Variants in GTF2A1L observed in about 807,000 individuals in gnomAD.
GTF2A1L encodes TFIIA-alpha and beta-like factor.
In GTF2A1L, 48 loss-of-function variants were observed where a neutral mutation model predicts 49.7. That is an observed-to-expected ratio of 0.97 (90% CI 0.77 to 1.23). GTF2A1L has a LOEUF of 1.23. Ranked by LOEUF, GTF2A1L falls within the 50% of genes most tolerant of loss-of-function variation. The probability of loss-of-function intolerance (pLI) is 0.00; values close to 1 mark genes in which losing one functional copy is unlikely to be tolerated. For synonymous variants in GTF2A1L, 246 were observed against 193.5 expected (o/e 1.27, Z -2.25); for missense variants, 736 against 564.8 (o/e 1.30, Z -3.07).
Position 48,653,954 on chromosome 2 carries a change from C to T in GTF2A1L, c.978+6912C>T, listed in dbSNP as rs985480272. On this transcript the variant is annotated intron_variant, in intron 6 of 8. Coordinates refer to ENST00000403751, the MANE Select transcript of GTF2A1L (RefSeq NM_006872.5). ...AAAAAAAAAAAAAAAGAAACAGCCC[C>T]GAAAACATTTATATGTAGATTTTAT... 8.7e-5 allele frequency among the ~76,000 whole-genome samples: 13 copies of T among 148,920 alleles called. 1 individual carries two copies. Among genetic ancestry groups the T allele is most frequent in the Non-Finnish European group, 1.8e-4 (12 of 67,494 alleles).
intron 6 of GTF2A1L, among the ~76,000 whole-genome samples, chr2:48,649,744 C>G (rs141005403): frequency 0.025 from 3,754 of 152,212 alleles, 58 homozygotes; most frequent in South Asian, 0.048. Flanking sequence ...AACACATCAC[C>G]GACTGCCCTT....
intron 8 of GTF2A1L, among the ~76,000 whole-genome samples, chr2:48,677,311 G>C (rs531684817): frequency 1.3e-5 from 2 of 152,036 alleles, no homozygotes; most frequent in East Asian, 3.9e-4. Flanking sequence ...GGGAGGAATA[G>C]ATTGCAATTT....
At chr2:48,619,576 G>C (rs540474428) in intron 1 of GTF2A1L, among the ~76,000 whole-genome samples, 1 of 152,234 alleles carries the variant, frequency 6.6e-6, no homozygotes, top group East Asian at 1.9e-4. Flanking sequence ...GTACTGAATA[G>C]GGTAGGATGA....
intron 3 of GTF2A1L, 151 bp downstream of exon 3, chr2:48,621,441 T>G: frequency 2.0e-6 from 2 of 1,014,224 alleles, no homozygotes; most frequent in Non-Finnish European, 2.7e-6. Flanking sequence ...TATAAATCAT[T>G]GCCCCATGTA....
intron 3 of GTF2A1L, 83 bp from the exon 4 acceptor site, chr2:48,642,318 AT>A: frequency 7.6e-7 from 1 of 1,307,498 alleles, no homozygotes; most frequent in Non-Finnish European, 1.0e-6. Context: ...GATAGAAAAT[AT>A]TTTTTAAAAA....
intron 1 of GTF2A1L, 28 bp from the exon 2 acceptor site, chr2:48,620,823 T>C: frequency 1.0e-6 from 1 of 952,850 alleles, no homozygotes; most frequent in Non-Finnish European, 1.4e-6. Flanking sequence ...ATAAATAAAA[T>C]GAAACTTTAA....
At chr2:48,645,281 A>T (rs1677431621) in intron 5 of GTF2A1L, among the ~76,000 whole-genome samples, 164 bp downstream of exon 5, 1 of 152,214 alleles carries the variant, frequency 6.6e-6, no homozygotes, top group African/African-American at 2.4e-5. Context: ...TGTTATAGAG[A>T]CAATCTACCA....
intron 6 of GTF2A1L, among the ~76,000 whole-genome samples, chr2:48,658,677 T>C (rs1678313743): frequency 6.6e-6 from 1 of 152,106 alleles, no homozygotes; most frequent in Admixed American, 6.6e-5. Context: ...CATAATTAGG[T>C]ATTGGTCTGT....
chr2:48,636,637 G>A (rs978680366), intron 3 of GTF2A1L, among the ~76,000 whole-genome samples: 4 of 152,138 alleles, frequency 2.6e-5, no homozygotes, highest in African/African-American at 9.7e-5. Flanking sequence ...AAATAGTTTT[G>A]ACCTTATAAA....
At chr2:48,667,042 C>T (rs920991869) in intron 6 of GTF2A1L, among the ~76,000 whole-genome samples, 8 of 151,944 alleles carry the variant, frequency 5.3e-5, no homozygotes. Flanking sequence ...CAGCTCACTG[C>T]AGCCTCAACC....
At position 48,617,884 on chromosome 2, in the gene GTF2A1L, C is replaced by T. The variant is rs1357041873; in HGVS notation, c.10C>T (p.Leu4Phe). The T allele has an allele frequency of 3.9e-6, 6 of 1,551,752 alleles. No individual in the cohort carries two copies. Among genetic ancestry groups the T allele is most frequent in the Non-Finnish European group, 4.4e-6 (5 of 1,147,062 alleles). The change falls in exon 1 of 9, where the codon CTC becomes TTC. Residue 4 changes from leucine to phenylalanine, a missense_variant. Coordinates refer to ENST00000403751, the MANE Select transcript of GTF2A1L (RefSeq NM_006872.5). ...TGCTGGAGGTGCTGTCATGGCCTGC[C>T]TCAACCCGGTGGTAAGGAAGACCTC... is the stretch of plus-strand genomic sequence containing the variant. MAC[L>F]NPVPKLYRSV...
intron 6 of GTF2A1L, among the ~76,000 whole-genome samples, chr2:48,665,493 C>T (rs1678791265): frequency 6.6e-6 from 1 of 151,988 alleles, no homozygotes; most frequent in African/African-American, 2.4e-5. Context: ...GCTTTGGGTA[C>T]ATCTCAAAAG....
chr2:48,665,383 C>T (rs1298104032), intron 6 of GTF2A1L, among the ~76,000 whole-genome samples: 1 of 132,326 alleles, frequency 7.6e-6, no homozygotes, highest in African/African-American at 2.8e-5. Context: ...TTTTGGCCTT[C>T]TTTTTCTAGT....
chr2:48,620,689 A>G (rs1033840906), intron 1 of GTF2A1L, among the ~76,000 whole-genome samples, 162 bp from the exon 2 acceptor site: 1 of 152,142 alleles, frequency 6.6e-6, no homozygotes, highest in Non-Finnish European at 1.5e-5. Flanking sequence ...AGGCAGGAGA[A>G]TTGCTTGAAC....
chr2:48,671,964 CA>C (rs1679192491), intron 8 of GTF2A1L, among the ~76,000 whole-genome samples: 1 of 152,172 alleles, frequency 6.6e-6, no homozygotes, highest in African/African-American at 2.4e-5. Context: ...GGTAAATCAA[CA>C]GCTAAAATAT....
chr2:48,631,543 G>A (rs1024729404), intron 3 of GTF2A1L, among the ~76,000 whole-genome samples: 1 of 151,732 alleles, frequency 6.6e-6, no homozygotes, highest in African/African-American at 2.4e-5. Context: ...GTGTTCTATC[G>A]ATATTGTTTA....
At chr2:48,638,833 C>A (rs889205287) in intron 3 of GTF2A1L, among the ~76,000 whole-genome samples, 1 of 152,098 alleles carries the variant, frequency 6.6e-6, no homozygotes, top group Admixed American at 6.5e-5. Context: ...TCTATAGTCT[C>A]GGCCGAAAAG....
intron 3 of GTF2A1L, among the ~76,000 whole-genome samples, chr2:48,623,441 T>G (rs1676125900): frequency 6.6e-6 from 1 of 152,208 alleles, no homozygotes; most frequent in Non-Finnish European, 1.5e-5. Flanking sequence ...TTGGTGAAGC[T>G]GCAGAAAAAA....
intron 6 of GTF2A1L, among the ~76,000 whole-genome samples, chr2:48,657,202 C>G (rs1678229430): frequency 6.6e-6 from 1 of 152,132 alleles, no homozygotes; most frequent in Non-Finnish European, 1.5e-5. Context: ...ATCCTGTCAT[C>G]CAGGAACTAT....
Sources: gnomAD v4.1 joint callset for allele counts (sites outside exome capture counted in the v4.1 genomes callset) on GRCh38, gnomAD v4.1.1 for gene constraint, MANE v1.5 for transcripts, NCBI Gene and HGNC (gene_info 2026-07-23, HGNC 2026-07-21) for gene names.